The following SCHIP1 variants were observed in gnomAD, a reference collection of about 807,000 sequenced individuals.
SCHIP1 encodes schwannomin-interacting protein 1.
Under a neutral mutation model 29.7 loss-of-function variants are expected in SCHIP1, and 8 were observed. The observed-to-expected ratio is 0.27, with a 90% CI of 0.16 to 0.49. SCHIP1 has a LOEUF of 0.49. SCHIP1 is among the 20% of genes least tolerant of loss of function. SCHIP1 has a pLI of 0.99. For synonymous variants in SCHIP1, 76 were observed against 94.9 expected, an observed-to-expected ratio of 0.80 and a Z score of 1.16; for missense variants, 193 against 294.6, an observed-to-expected ratio of 0.66 and a Z score of 2.52.
the SCHIP1 span, among the ~76,000 whole-genome samples, chr3:159,324,495 A>T: frequency 3.3e-5 from 5 of 151,950 alleles, no homozygotes; most frequent in African/African-American, 9.6e-5. Flanking sequence ...GTGTTAAATA[A>T]TTTTTTTTCT....
the SCHIP1 span, among the ~76,000 whole-genome samples, chr3:159,687,879 C>T: frequency 1.3e-5 from 2 of 152,182 alleles, no homozygotes; most frequent in Non-Finnish European, 2.9e-5. Flanking sequence ...TGTTAGTTTG[C>T]TGAGAATGAC....
At chr3:159,488,986 C>T in the SCHIP1 span, among the ~76,000 whole-genome samples, 40 of 152,206 alleles carry the variant, frequency 2.6e-4, no homozygotes, top group Admixed American at 2.5e-3. Flanking sequence ...TTTTTTAGTA[C>T]ATGCTTATTG....
At chr3:159,862,619 T>A (rs1714180063) in intron 1 of SCHIP1, among the ~76,000 whole-genome samples, 1 of 152,120 alleles carries the variant, frequency 6.6e-6, no homozygotes, top group Non-Finnish European at 1.5e-5. Flanking sequence ...ACATTTACAG[T>A]TGAAACTCAA....
At chr3:159,810,907 A>G in the SCHIP1 span, among the ~76,000 whole-genome samples, 1 of 152,234 alleles carries the variant, frequency 6.6e-6, no homozygotes, top group Non-Finnish European at 1.5e-5. Context: ...TAAGCACACT[A>G]TCTTATATTC....
the SCHIP1 span, among the ~76,000 whole-genome samples, chr3:159,828,408 CGTATATATACGTATATATATACGT>C: frequency 9.1e-5 from 3 of 32,936 alleles, 1 homozygote; most frequent in African/African-American, 4.2e-4. Context: ...TATATATATA[CGTATATATACGTATATATATACGT>C]ATATATACGT....
the SCHIP1 span, among the ~76,000 whole-genome samples, chr3:159,806,347 G>A: frequency 1.3e-5 from 2 of 152,150 alleles, no homozygotes; most frequent in Admixed American, 1.3e-4. Flanking sequence ...TTCTTCTTTG[G>A]TCTGTATGTG....
the SCHIP1 span, among the ~76,000 whole-genome samples, chr3:159,707,977 C>T: frequency 6.6e-6 from 1 of 152,148 alleles, no homozygotes; most frequent in African/African-American, 2.4e-5. Context: ...ATCTTTCTCC[C>T]TCCCACTTCT....
the SCHIP1 span, among the ~76,000 whole-genome samples, chr3:159,308,208 C>T: frequency 1.3e-5 from 2 of 152,198 alleles, no homozygotes; most frequent in South Asian, 4.1e-4. Context: ...AGTCCATGAG[C>T]ATGGCATGTC....
At chr3:159,316,355 A>G in the SCHIP1 span, among the ~76,000 whole-genome samples, 1 of 152,134 alleles carries the variant, frequency 6.6e-6, no homozygotes, top group Non-Finnish European at 1.5e-5. Context: ...AGCACAGGAG[A>G]AAGATGTAGG....
the SCHIP1 span, among the ~76,000 whole-genome samples, chr3:159,283,575 G>A: frequency 1.3e-4 from 19 of 151,832 alleles, no homozygotes; most frequent in African/African-American, 1.9e-4. Context: ...AATGGCGCGC[G>A]ATCTTGGCGT....
the SCHIP1 span, among the ~76,000 whole-genome samples, chr3:159,572,887 T>C: frequency 1.3e-5 from 2 of 152,120 alleles, no homozygotes; most frequent in African/African-American, 2.4e-5. Context: ...TTTTGATCTT[T>C]GTTGGTTTAA....
chr3:159,368,683 C>A, the SCHIP1 span, among the ~76,000 whole-genome samples: 1 of 152,052 alleles, frequency 6.6e-6, no homozygotes, highest in Non-Finnish European at 1.5e-5. Context: ...CTAGGACATG[C>A]ACACTACATG....
At chr3:159,536,335 G>C in the SCHIP1 span, among the ~76,000 whole-genome samples, 1 of 152,182 alleles carries the variant, frequency 6.6e-6, no homozygotes, top group African/African-American at 2.4e-5. Flanking sequence ...AGTGGGGACT[G>C]TGATCAAGAG....
chr3:159,667,585 G>A, the SCHIP1 span, among the ~76,000 whole-genome samples: 2,058 of 152,256 alleles, frequency 0.014, 46 homozygotes, highest in African/African-American at 0.048. Context: ...GGGTGCACAG[G>A]AGCCATAGTC....
chr3:159,684,048 C>T, the SCHIP1 span, among the ~76,000 whole-genome samples: 2 of 152,126 alleles, frequency 1.3e-5, no homozygotes, highest in Non-Finnish European at 2.9e-5. Context: ...TTAGAGATAA[C>T]AAAGGGCCCT....
At chr3:159,479,073 T>A in the SCHIP1 span, among the ~76,000 whole-genome samples, 3 of 152,162 alleles carry the variant, frequency 2.0e-5, no homozygotes, top group Non-Finnish European at 4.4e-5. Context: ...ATCAATTTTT[T>A]AAATATTTAC....
the SCHIP1 span, among the ~76,000 whole-genome samples, chr3:159,289,400 A>G: frequency 7.8e-6 from 1 of 128,254 alleles, no homozygotes; most frequent in Non-Finnish European, 1.6e-5. Flanking sequence ...TCAAACACAT[A>G]AAGCTCTTAT....
At chr3:159,580,688 C>A in the SCHIP1 span, among the ~76,000 whole-genome samples, 2 of 152,138 alleles carry the variant, frequency 1.3e-5, no homozygotes, top group Non-Finnish European at 2.9e-5. Context: ...ACAGTACGTA[C>A]CCTTTTTCAT....
the SCHIP1 span, among the ~76,000 whole-genome samples, chr3:159,438,159 C>T: frequency 6.6e-6 from 1 of 152,104 alleles, no homozygotes; most frequent in African/African-American, 2.4e-5. Context: ...TTGACACAAC[C>T]TTCCACAGAA....
Sources: allele counts gnomAD v4.1 joint callset (sites outside exome capture counted in the v4.1 genomes callset), GRCh38; gene constraint gnomAD v4.1.1; transcripts MANE v1.5; gene names NCBI Gene and HGNC (gene_info 2026-07-23, HGNC 2026-07-21).